The following CSGALNACT1 variants were observed in gnomAD, a reference collection of about 807,000 sequenced individuals.
The protein encoded by CSGALNACT1 is beta4GalNAcT-1.
In CSGALNACT1, 52 loss-of-function variants were observed where a neutral mutation model predicts 51.0. The ratio of observed to expected loss-of-function variants is 1.02; its 90% CI spans 0.82 to 1.29. The LOEUF is 1.29. Ranked by LOEUF, CSGALNACT1 falls within the 50% of genes most tolerant of loss-of-function variation. The pLI is 0.00. For missense variants in CSGALNACT1, 935 were observed against 679.2 expected (o/e 1.38, Z -4.19); for synonymous variants, 341 against 254.4 (o/e 1.34, Z -3.24).
At chr8:19,628,920 G>A (rs1343153515) in intron 1 of CSGALNACT1, among the ~76,000 whole-genome samples, 1 of 152,156 alleles carries the variant, frequency 6.6e-6, no homozygotes, top group Non-Finnish European at 1.5e-5. Context: ...GCAAAGGCCT[G>A]GGAAGTGATC....
chr8:19,513,447 T>C (rs1236527110), intron 3 of CSGALNACT1, among the ~76,000 whole-genome samples: 1 of 130,652 alleles, frequency 7.7e-6, no homozygotes, highest in Non-Finnish European at 1.5e-5. Context: ...TATATATATA[T>C]ATATATATAT....
intron 1 of CSGALNACT1, among the ~76,000 whole-genome samples, chr8:19,708,534 A>G (rs186747594): frequency 7.0e-4 from 107 of 152,328 alleles, no homozygotes; most frequent in Non-Finnish European, 1.4e-3. Flanking sequence ...CTACTCAGCT[A>G]CAAAACCTGC....
At chr8:19,676,101 C>A (rs12550486) in intron 1 of CSGALNACT1, among the ~76,000 whole-genome samples, 96,271 of 125,382 alleles carry the variant, frequency 0.77, 35,748 homozygotes, top group Middle Eastern at 0.88. Context: ...CAAAACAAAA[C>A]AAAAAAAACT....
At position 19,735,611 on chromosome 8, in the gene CSGALNACT1, G is replaced by C. The variant is rs2063927128; in HGVS notation, c.-297+22239C>G. ...AAAATGTTTTATCTTTAAGTGTATG[G>C]CAAAAGACAAAGAGACTATGAAGAA... On this transcript the variant is annotated intron_variant, in intron 1 of 1. Transcript: ENST00000517494. Among the ~76,000 whole-genome samples, 4 of 152,036 alleles carry C rather than the reference G, an allele frequency of 2.6e-5. No homozygotes were observed. In the South Asian group the frequency reaches 8.3e-4, roughly 31 times the overall value.
Position 19,667,040 on chromosome 8 carries a change from G to GAAGAAAGA in CSGALNACT1, c.-544+15425_-544+15432dup, listed in dbSNP as rs1177939899. Among the ~76,000 whole-genome samples the GAAGAAAGA allele has an allele frequency of 5.1e-3, 179 of 34,812 alleles. 3 individuals carry two copies. The highest frequency in any genetic ancestry group is 0.015 in the East Asian group (16 of 1,096). The allele number at this position is 34,812 out of a possible 152,430, so 22.8% of individuals were successfully genotyped here. On this transcript the variant is annotated intron_variant, in intron 1 of 9. Coordinates refer to the CSGALNACT1 transcript ENST00000332246. ...GAAAGGAAGGAAGGAAGGAAGGAAGGAAGAAAGAAAGAAAGAAAGAAAGAA... is the reference window on the plus strand; with the variant it reads ...GAAAGGAAGGAAGGAAGGAAGGAAGGAAGAAAGAAAGAAAGAAAGAAAGAAAGAAAGAA...
chr8:19,551,455 T>G (rs1026385616), intron 3 of CSGALNACT1, among the ~76,000 whole-genome samples: 1 of 152,152 alleles, frequency 6.6e-6, no homozygotes, highest in African/African-American at 2.4e-5. Context: ...CTCCCTCAAT[T>G]GGGTGGCAAA....
chr8:19,737,581 G>C (rs559066456), intron 1 of CSGALNACT1, among the ~76,000 whole-genome samples: 1 of 149,470 alleles, frequency 6.7e-6, no homozygotes, highest in South Asian at 2.1e-4. Context: ...CAAACCAGTA[G>C]AAGAAAAAAA....
rs897628213 is a variant in CSGALNACT1 at position 19,553,840 on chromosome 8, T to C, written c.-297+37320A>G. Among the ~76,000 whole-genome samples the C allele has an allele frequency of 7.3e-5, 11 of 151,190 alleles. No homozygotes were observed. The East Asian group carries it at 1.8e-3, about 24-fold the overall frequency. ...CTCAGAGAGCTGAGAAAACATTGCA[T>C]TGACAAAATAAGTACAGAATGTCAT... On this transcript the variant is annotated intron_variant, in intron 3 of 9. Transcript: ENST00000454498.
intron 1 of CSGALNACT1, among the ~76,000 whole-genome samples, chr8:19,660,714 T>A (rs1221054058): frequency 6.6e-6 from 1 of 151,958 alleles, no homozygotes; most frequent in Non-Finnish European, 1.5e-5. Flanking sequence ...AGAGCCTACC[T>A]CCCCATGATC....
chr8:19,749,912 T>C (rs1187056248), intron 1 of CSGALNACT1, among the ~76,000 whole-genome samples: 1 of 152,200 alleles, frequency 6.6e-6, no homozygotes, highest in Non-Finnish European at 1.5e-5. Flanking sequence ...CAGAAGTCCA[T>C]AAGAGGCAAT....
intron 1 of CSGALNACT1, among the ~76,000 whole-genome samples, chr8:19,649,213 C>G (rs1158558848): frequency 3.3e-5 from 5 of 152,110 alleles, no homozygotes; most frequent in African/African-American, 1.2e-4. Context: ...GTCACTTGCC[C>G]AGGATCACAA....
At chr8:19,548,871 T>C (rs2087171709) in intron 3 of CSGALNACT1, among the ~76,000 whole-genome samples, 1 of 152,200 alleles carries the variant, frequency 6.6e-6, no homozygotes, top group Non-Finnish European at 1.5e-5. Flanking sequence ...CCTTCTACAG[T>C]AGAGTGGTGC....
intron 1 of CSGALNACT1, among the ~76,000 whole-genome samples, chr8:19,729,772 A>G (rs558027914): frequency 6.6e-6 from 1 of 152,054 alleles, no homozygotes; most frequent in East Asian, 1.9e-4. Context: ...GACCACACAG[A>G]GAAGGGTGGT....
chr8:19,465,905 AAC>A lies in CSGALNACT1; in HGVS notation c.635-7265_635-7264del, dbSNP rs538991493. ...TCACTTTTCATATGCAGAAGAAGAT[AAC>A]TCAGCACATAGAAAAGAATCCAGAT... is the stretch of plus-strand genomic sequence containing the variant. On this transcript the variant is annotated intron_variant, in intron 4 of 9. Transcript: ENST00000454498. Among the ~76,000 whole-genome samples, 3 of 152,210 alleles carry A rather than the reference AAC, an allele frequency of 2.0e-5. No homozygotes were observed. The South Asian group carries it at 6.2e-4, about 31-fold the overall frequency.
intron 4 of CSGALNACT1, among the ~76,000 whole-genome samples, chr8:19,495,362 T>C (rs2075269115): frequency 6.6e-6 from 1 of 152,200 alleles, no homozygotes; most frequent in Non-Finnish European, 1.5e-5. Context: ...GAAACAATAT[T>C]GTCTGTTGTG....
At chr8:19,549,478 T>C (rs1012030993) in intron 3 of CSGALNACT1, among the ~76,000 whole-genome samples, 38 of 152,044 alleles carry the variant, frequency 2.5e-4, no homozygotes, top group African/African-American at 8.9e-4. Flanking sequence ...AACAATTAGG[T>C]ACTTTTTCCA....
At chr8:19,713,968 G>A (rs1315792001) in intron 1 of CSGALNACT1, among the ~76,000 whole-genome samples, 1 of 152,186 alleles carries the variant, frequency 6.6e-6, no homozygotes, top group Non-Finnish European at 1.5e-5. Flanking sequence ...CTGAAGACCT[G>A]TGTCCTACTT....
At chr8:19,741,303 G>A (rs140337050) in intron 1 of CSGALNACT1, among the ~76,000 whole-genome samples, 129 of 152,152 alleles carry the variant, frequency 8.5e-4, no homozygotes, top group African/African-American at 3.0e-3. Context: ...AGTGGCTTAC[G>A]CCTGTAATTC....
intron 2 of CSGALNACT1, among the ~76,000 whole-genome samples, chr8:19,600,207 C>T (rs768607549): frequency 2.6e-5 from 4 of 152,090 alleles, no homozygotes; most frequent in Non-Finnish European, 5.9e-5. Flanking sequence ...CTCATCTTCC[C>T]TAGTAGCTGG....
Sources: allele counts gnomAD v4.1 joint callset (sites outside exome capture counted in the v4.1 genomes callset), GRCh38; gene constraint gnomAD v4.1.1; transcripts MANE v1.5; gene names NCBI Gene and HGNC (gene_info 2026-07-23, HGNC 2026-07-21).